IQCJ: variants seen among roughly 807,000 people sequenced by gnomAD.
IQCJ encodes the protein IQ domain-containing protein J.
IQCJ carries 9 observed loss-of-function variants against 11.0 expected under a neutral mutation model. That is an observed-to-expected ratio of 0.82 (90% confidence interval 0.49 to 1.43). The LOEUF (loss-of-function observed/expected upper bound fraction) is 1.43, where lower values mean the gene tolerates loss of function less well. Among genes scored for constraint, IQCJ ranks in the 40% most tolerant of loss-of-function variants. IQCJ has a pLI of 0.00. For missense variants in IQCJ, 146 were observed against 133.2 expected, an observed-to-expected ratio of 1.10 and a Z score of -0.47; for synonymous variants, 55 against 51.3, an observed-to-expected ratio of 1.07 and a Z score of -0.31.
chr3:159,168,475 TGTG>T (rs1722300739), intron 1 of IQCJ, among the ~76,000 whole-genome samples: 2 of 152,302 alleles, frequency 1.3e-5, no homozygotes, highest in East Asian at 3.9e-4. Context: ...CAAATATAAT[TGTG>T]GTTCCTCCTC....
chr3:159,133,641 A>C (rs928361476), intron 1 of IQCJ, among the ~76,000 whole-genome samples: 1 of 152,184 alleles, frequency 6.6e-6, no homozygotes. Flanking sequence ...AGAGGATGAC[A>C]GGAGAAGTGG....
chr3:159,129,087 A>G (rs1296743856), intron 1 of IQCJ, among the ~76,000 whole-genome samples: 1 of 152,224 alleles, frequency 6.6e-6, no homozygotes, highest in Non-Finnish European at 1.5e-5. Context: ...AAAAATTACT[A>G]TAACAACATT....
chr3:159,203,075 T>A (rs986173929), intron 1 of IQCJ, among the ~76,000 whole-genome samples: 1 of 151,916 alleles, frequency 6.6e-6, no homozygotes, highest in African/African-American at 2.4e-5. Context: ...CTTGGAAGTG[T>A]GTCATTAACA....
At chr3:159,167,475 C>T (rs1234091526) in intron 1 of IQCJ, among the ~76,000 whole-genome samples, 1 of 152,126 alleles carries the variant, frequency 6.6e-6, no homozygotes, top group Non-Finnish European at 1.5e-5. Flanking sequence ...ATTAATAATA[C>T]ATTAAAATAA....
intron 1 of IQCJ, among the ~76,000 whole-genome samples, chr3:159,155,153 G>GTTATTTAT (rs757753875): frequency 1.3e-4 from 19 of 151,340 alleles, no homozygotes; most frequent in Middle Eastern, 3.4e-3. Context: ...GCAGCAACCA[G>GTTATTTAT]TTATTTATTT....
At chr3:159,147,538 A>G (rs1720987158) in intron 1 of IQCJ, among the ~76,000 whole-genome samples, 1 of 152,198 alleles carries the variant, frequency 6.6e-6, no homozygotes, top group Admixed American at 6.5e-5. Context: ...CTTGACCTAG[A>G]TCCTGAAACA....
At chr3:159,234,532 G>A (rs954507470) in intron 1 of IQCJ, among the ~76,000 whole-genome samples, 4 of 152,106 alleles carry the variant, frequency 2.6e-5, no homozygotes, top group African/African-American at 9.7e-5. Flanking sequence ...GGCCCGGCAC[G>A]GTGATTCATG....
At chr3:159,117,733 G>A (rs1399718621) in intron 1 of IQCJ, among the ~76,000 whole-genome samples, 2 of 152,152 alleles carry the variant, frequency 1.3e-5, no homozygotes, top group Non-Finnish European at 2.9e-5. Flanking sequence ...TACCCTGCTA[G>A]GCCTGGAGAC....
intron 1 of IQCJ, among the ~76,000 whole-genome samples, chr3:159,232,451 C>CTTTTTTTTT (rs35423818): frequency 2.4e-5 from 2 of 83,762 alleles, no homozygotes; most frequent in East Asian, 3.6e-4. Context: ...GAGAGACTTT[C>CTTTTTTTTT]TTTTTTTTTT....
chr3:159,183,938 C>T (rs996061100), intron 1 of IQCJ, among the ~76,000 whole-genome samples: 1 of 151,492 alleles, frequency 6.6e-6, no homozygotes, highest in African/African-American at 2.4e-5. Flanking sequence ...CATTGCTTGC[C>T]CAAATGACCA....
rs1577111655 is a variant in IQCJ at position 159,246,621 on chromosome 3, C to T, written c.74+714C>T. On this transcript the variant is annotated intron_variant, in intron 2 of 3. Transcript: ENST00000397832. Reference sequence around the variant, plus strand: ...CTAGTCAAGCTGGTTGGGTGTCATGCTTGGCTCTGGACACCACGTTTAAGA... The same window carrying T: ...CTAGTCAAGCTGGTTGGGTGTCATGTTTGGCTCTGGACACCACGTTTAAGA... 2.6e-5 allele frequency among the ~76,000 whole-genome samples: 4 copies of T among 152,278 alleles called. 1 individual carries two copies. Among genetic ancestry groups the T allele is most frequent in the Admixed American group, 2.6e-4 (4 of 15,288 alleles).
intron 1 of IQCJ, among the ~76,000 whole-genome samples, chr3:159,190,326 A>G (rs1309711399): frequency 6.6e-6 from 1 of 152,248 alleles, no homozygotes; most frequent in African/African-American, 2.4e-5. Context: ...CAAGTTTTCA[A>G]TTCAGCAAAC....
At position 159,120,936 on chromosome 3, in the gene IQCJ, T is replaced by A. The variant is rs181935600; in HGVS notation, c.9+51495T>A. On this transcript the variant is annotated intron_variant, in intron 1 of 3. Coordinates refer to ENST00000397832, the MANE Select transcript of IQCJ (RefSeq NM_001042706.3). ...ATGGCTGCTCTTTCTCCAGACATTTTTTTTTTCAAATAAGATGAAGGGTGA... is the reference window on the plus strand; with the variant it reads ...ATGGCTGCTCTTTCTCCAGACATTTATTTTTTCAAATAAGATGAAGGGTGA... Among the ~76,000 whole-genome samples the A allele has an allele frequency of 1.7e-4, 26 of 152,254 alleles. No homozygotes were observed. In the East Asian group the frequency reaches 4.5e-3, roughly 26 times the overall value.
chr3:159,250,830 C>G (rs1577115224), intron 2 of IQCJ, among the ~76,000 whole-genome samples: 1 of 152,148 alleles, frequency 6.6e-6, no homozygotes, highest in Non-Finnish European at 1.5e-5. Context: ...GCCCACCTAC[C>G]CAGGATTAGG....
chr3:159,157,323 G>A (rs114044140), intron 1 of IQCJ, among the ~76,000 whole-genome samples: 101 of 152,312 alleles, frequency 6.6e-4, no homozygotes, highest in African/African-American at 2.4e-3. Flanking sequence ...CTTGCGGTCA[G>A]TCTGCTAAAA....
At chr3:159,128,986 T>C (rs1281342344) in intron 1 of IQCJ, among the ~76,000 whole-genome samples, 1 of 152,154 alleles carries the variant, frequency 6.6e-6, no homozygotes, top group Non-Finnish European at 1.5e-5. Context: ...CTCTGTTTGC[T>C]AAAATCTTAT....
chr3:159,072,410 C>T (rs962599585), intron 1 of IQCJ, among the ~76,000 whole-genome samples: 12 of 151,424 alleles, frequency 7.9e-5, no homozygotes, highest in Non-Finnish European at 1.0e-4. Flanking sequence ...AAGTAAATCA[C>T]GGGAGGAGAC....
intron 1 of IQCJ, among the ~76,000 whole-genome samples, chr3:159,086,156 C>G (rs1458729126): frequency 6.6e-6 from 1 of 152,110 alleles, no homozygotes; most frequent in African/African-American, 2.4e-5. Flanking sequence ...TTTCCCAGCA[C>G]CATTTATTAA....
intron 1 of IQCJ, among the ~76,000 whole-genome samples, chr3:159,145,902 C>A (rs2108191753): frequency 6.6e-6 from 1 of 152,184 alleles, no homozygotes; most frequent in Middle Eastern, 3.4e-3. Flanking sequence ...AAAATTTAGA[C>A]CCGCATACAT....
Sources: gnomAD v4.1 joint callset for allele counts (sites outside exome capture counted in the v4.1 genomes callset) on GRCh38, gnomAD v4.1.1 for gene constraint, MANE v1.5 for transcripts, NCBI Gene and HGNC (gene_info 2026-07-23, HGNC 2026-07-21) for gene names.